Variants in LGR4 observed in about 807,000 individuals in gnomAD.
The protein encoded by LGR4 is leucine-rich repeat-containing G protein-coupled receptor 4.
Under a neutral mutation model 84.8 loss-of-function variants are expected in LGR4, and 44 were observed. The ratio of observed to expected loss-of-function variants is 0.52; its 90% CI spans 0.41 to 0.67. The LOEUF (loss-of-function observed/expected upper bound fraction) is 0.67, where lower values mean the gene tolerates loss of function less well. Ranked by LOEUF, LGR4 falls within the 30% of genes least tolerant of loss-of-function variation. LGR4 has a pLI of 0.00. For synonymous variants in LGR4, 429 were observed against 434.3 expected, an observed-to-expected ratio of 0.99 and a Z score of 0.15; for missense variants, 1,032 against 1,131.4, an observed-to-expected ratio of 0.91 and a Z score of 1.26.
intron 1 of LGR4, among the ~76,000 whole-genome samples, chr11:27,447,282 C>T (rs1384229465): frequency 6.6e-6 from 1 of 152,162 alleles, no homozygotes; most frequent in Non-Finnish European, 1.5e-5. Context: ...GTAAAGACCA[C>T]TCTGATAAAA....
At chr11:27,440,931 C>T (rs756107599) in intron 1 of LGR4, among the ~76,000 whole-genome samples, 1 of 152,164 alleles carries the variant, frequency 6.6e-6, no homozygotes, top group African/African-American at 2.4e-5. Context: ...TTCGAATACA[C>T]ATTATAGTGG....
In LGR4 at chr11:27,393,942, G is replaced by C. The variant is rs866629093; in HGVS notation, c.258-1424C>G. On this transcript the variant is annotated intron_variant, in intron 2 of 17. Transcript: ENST00000379214. ...CAGAGGCGATTGCACTGAAGATTGG[G>C]GGGGGGGGGGGGCGCGGGAAGGGGA... Among the ~76,000 whole-genome samples, 26 of 121,530 alleles carry C rather than the reference G, an allele frequency of 2.1e-4. 1 individual carries two copies. The highest frequency in any genetic ancestry group is 3.4e-4 in the Non-Finnish European group (20 of 59,434). 79.7% of individuals were successfully genotyped at this position (121,530 alleles called of 152,430 possible). A position where few individuals can be genotyped will look rare whatever the true frequency, so the allele number is the denominator to read the frequency against.
At chr11:27,435,258 A>T (rs973162937) in intron 1 of LGR4, among the ~76,000 whole-genome samples, 1 of 151,642 alleles carries the variant, frequency 6.6e-6, no homozygotes, top group African/African-American at 2.4e-5. Flanking sequence ...GCTTGAACCC[A>T]GGAAGCAGAG....
At chr11:27,443,308 CGA>C (rs1864333466) in intron 1 of LGR4, among the ~76,000 whole-genome samples, 1 of 152,164 alleles carries the variant, frequency 6.6e-6, no homozygotes, top group Admixed American at 6.5e-5. Flanking sequence ...TACCACTGCA[CGA>C]TGGGAAATTC....
chr11:27,452,773 G>A (rs1267461189), intron 1 of LGR4, among the ~76,000 whole-genome samples: 7 of 150,210 alleles, frequency 4.7e-5, no homozygotes, highest in South Asian at 2.1e-4. Flanking sequence ...ACAGGTGCCC[G>A]CCACCACGTC....
At chr11:27,370,450 G>A (rs1045643717) in intron 17 of LGR4, among the ~76,000 whole-genome samples, 7 of 152,130 alleles carry the variant, frequency 4.6e-5, no homozygotes, top group African/African-American at 1.4e-4. Context: ...TTCCAAAAAA[G>A]CCTGGGAAGC....
At chr11:27,379,622 T>C (rs1478683) in intron 10 of LGR4, among the ~76,000 whole-genome samples, 150,100 of 152,284 alleles carry the variant, frequency 0.99, 74,006 homozygotes, top group East Asian at 1. Context: ...TGGCTAGAGG[T>C]CCTAGCTGCC....
chr11:27,432,445 TC>T (rs1483131574), intron 1 of LGR4, among the ~76,000 whole-genome samples: 2 of 152,112 alleles, frequency 1.3e-5, no homozygotes, highest in Non-Finnish European at 2.9e-5. Flanking sequence ...AAAGTGTTTG[TC>T]CCAGAGAAGA....
At chr11:27,413,001 G>GAAT in intron 1 of LGR4, 141 bp from the exon 2 acceptor site, 2 of 624,490 alleles carry the variant, frequency 3.2e-6, no homozygotes, top group South Asian at 3.8e-5. Context: ...TTTGGCTTCA[G>GAAT]AATGCAATAT....
At chr11:27,447,502 G>A (rs959344206) in intron 1 of LGR4, among the ~76,000 whole-genome samples, 1 of 152,186 alleles carries the variant, frequency 6.6e-6, no homozygotes, top group Non-Finnish European at 1.5e-5. Context: ...CCTCAGTTCT[G>A]GGGAACTCCC....
At chr11:27,424,709 C>T (rs762692973) in intron 1 of LGR4, among the ~76,000 whole-genome samples, 6 of 152,060 alleles carry the variant, frequency 3.9e-5, no homozygotes, top group South Asian at 2.1e-4. Context: ...ACTAGCAACC[C>T]GACCTGATCA....
intron 1 of LGR4, among the ~76,000 whole-genome samples, chr11:27,413,720 C>G (rs978793635): frequency 6.6e-6 from 1 of 152,110 alleles, no homozygotes; most frequent in African/African-American, 2.4e-5. Context: ...TCTCTAGAAC[C>G]TGGCATGAAA....
In LGR4 at chr11:27,368,483, T is replaced by A; in HGVS notation, c.2240A>T (p.Lys747Met). Residue 747 changes from lysine (K) to methionine (M), a missense_variant, in exon 18 of 18, where the codon AAG (lysine) becomes ATG (methionine). Transcript: ENST00000379214. ...GGTGAAGATTAGCCAAGCGACATGC[T>A]TAATCATGCTAGATTGTGAGTTTTC... is the stretch of plus-strand genomic sequence containing the variant. Reference protein sequence around the residue: ...LSENSQSSMIKHVAWLIFTNC... With the variant: ...LSENSQSSMIMHVAWLIFTNC... 6.2e-7 allele frequency: 1 copy of A among 1,614,238 alleles called. No homozygotes were observed.
intron 1 of LGR4, among the ~76,000 whole-genome samples, chr11:27,414,813 G>A (rs1303589094): frequency 6.6e-6 from 1 of 152,068 alleles, no homozygotes; most frequent in African/African-American, 2.4e-5. Context: ...ACGATAGTGG[G>A]CCTCCATCTG....
At chr11:27,383,024 T>TAAAAAATA (rs1000257138) in intron 6 of LGR4, among the ~76,000 whole-genome samples, 21 of 151,450 alleles carry the variant, frequency 1.4e-4, no homozygotes, top group Non-Finnish European at 2.8e-4. Flanking sequence ...TCAAAAAAAA[T>TAAAAAATA]AAAAAATAAA....
intron 1 of LGR4, among the ~76,000 whole-genome samples, chr11:27,462,266 C>T (rs567227743): frequency 6.6e-6 from 1 of 152,250 alleles, no homozygotes; most frequent in South Asian, 2.1e-4. Flanking sequence ...AAGAGAAACC[C>T]TGCGTTCCCA....
At chr11:27,401,029 C>G (rs1372973753) in intron 2 of LGR4, among the ~76,000 whole-genome samples, 1 of 152,116 alleles carries the variant, frequency 6.6e-6, no homozygotes, top group Admixed American at 6.5e-5. Context: ...CTTCATATAA[C>G]TCTTATGAAA....
At chr11:27,450,216 A>G (rs763947190) in intron 1 of LGR4, among the ~76,000 whole-genome samples, 6 of 152,232 alleles carry the variant, frequency 3.9e-5, no homozygotes, top group Non-Finnish European at 8.8e-5. Flanking sequence ...GGGCCTTAAG[A>G]CTAAAGCTTA....
At chr11:27,419,747 A>G (rs1863891502) in intron 1 of LGR4, among the ~76,000 whole-genome samples, 1 of 151,706 alleles carries the variant, frequency 6.6e-6, no homozygotes, top group Admixed American at 6.6e-5. Flanking sequence ...AATGTTATCC[A>G]GCACAAAAAG....
Sources: gnomAD v4.1 joint callset for allele counts (sites outside exome capture counted in the v4.1 genomes callset) on GRCh38, gnomAD v4.1.1 for gene constraint, MANE v1.5 for transcripts, NCBI Gene and HGNC (gene_info 2026-07-23, HGNC 2026-07-21) for gene names.